Variants in PHTF1 observed in about 807,000 individuals in gnomAD.
PHTF1 encodes the protein putative homeodomain transcription factor 1, also known as protein PHTF1.
In PHTF1, 88 loss-of-function variants were observed where a neutral mutation model predicts 102.4. The observed-to-expected ratio is 0.86, with a 90% CI of 0.72 to 1.03. The LOEUF (loss-of-function observed/expected upper bound fraction) is 1.03, where lower values mean the gene tolerates loss of function less well. Ranked by LOEUF, PHTF1 falls within the 50% of genes least tolerant of loss-of-function variation. PHTF1 has a pLI of 0.00. For synonymous variants in PHTF1, 289 were observed against 305.2 expected, an observed-to-expected ratio of 0.95 and a Z score of 0.55; for missense variants, 814 against 909.5, an observed-to-expected ratio of 0.89 and a Z score of 1.35.
At chr1:113,747,400 T>C (rs765005189) in intron 3 of PHTF1, among the ~76,000 whole-genome samples, 3 of 152,206 alleles carry the variant, frequency 2.0e-5, no homozygotes, top group African/African-American at 7.2e-5. Context: ...GAACACAACA[T>C]ATATCAGTTT....
At chr1:113,754,892 A>T (rs1322140318) in intron 3 of PHTF1, among the ~76,000 whole-genome samples, 1 of 152,062 alleles carries the variant, frequency 6.6e-6, no homozygotes, top group Non-Finnish European at 1.5e-5. Context: ...TTATTCTCCA[A>T]TCATATTGGG....
chr1:113,729,533 T>C (rs899206692), intron 5 of PHTF1, among the ~76,000 whole-genome samples: 1 of 151,904 alleles, frequency 6.6e-6, no homozygotes, highest in African/African-American at 2.4e-5. Context: ...ATACCTACTA[T>C]ATACCCACAA....
intron 5 of PHTF1, among the ~76,000 whole-genome samples, chr1:113,728,671 G>C (rs1351549403): frequency 6.6e-6 from 1 of 152,252 alleles, no homozygotes; most frequent in African/African-American, 2.4e-5. Context: ...CACTTTGAGA[G>C]GCCAAAGTGA....
chr1:113,713,315 C>T lies in PHTF1; in HGVS notation c.747G>A (p.Glu249=), dbSNP rs774450279. 5.0e-6 allele frequency: 8 copies of T among 1,613,762 alleles called. No homozygotes were observed. Among genetic ancestry groups the T allele is most frequent in the Non-Finnish European group, 6.8e-6 (8 of 1,179,866 alleles). The stretch of plus-strand genomic sequence containing the variant: ...TTTCTCCATCTGAAAATTTTGCTTT[C>T]TCTCTTGTTTGCCACATTCTAATCT... ...RPEIRMWQTR[E]KAKFSDGEKC... The change falls in exon 8 of 19, where the codon GAG becomes GAA. Residue 249 remains glutamate (E), a synonymous_variant. Transcript: ENST00000369604.
At chr1:113,712,588 A>G (rs1299613906) in intron 8 of PHTF1, among the ~76,000 whole-genome samples, 1 of 152,252 alleles carries the variant, frequency 6.6e-6, no homozygotes, top group Non-Finnish European at 1.5e-5. Context: ...CTAACCAATA[A>G]GAAAACAGTT....
chr1:113,727,185 A>G (rs1170500015), intron 5 of PHTF1, among the ~76,000 whole-genome samples: 1 of 152,244 alleles, frequency 6.6e-6, no homozygotes, highest in Admixed American at 6.5e-5. Context: ...CTTGTGCTAT[A>G]CAAACTATTC....
intron 7 of PHTF1, chr1:113,713,791 G>C (rs1651542092): frequency 5.1e-6 from 1 of 197,178 alleles, no homozygotes; most frequent in Non-Finnish European, 1.0e-5. Flanking sequence ...AGTAGACTTA[G>C]GTGCACATGA....
At chr1:113,720,181 T>C (rs937725781) in intron 7 of PHTF1, among the ~76,000 whole-genome samples, 3 of 152,194 alleles carry the variant, frequency 2.0e-5, no homozygotes, top group African/African-American at 7.2e-5. Context: ...AAATAGACTT[T>C]AACTATAAAA....
intron 3 of PHTF1, among the ~76,000 whole-genome samples, chr1:113,755,286 G>A (rs545602621): frequency 6.6e-6 from 1 of 151,570 alleles, no homozygotes; most frequent in Non-Finnish European, 1.5e-5. Flanking sequence ...CATTTTTTAA[G>A]ACTTAAGCAT....
intron 7 of PHTF1, chr1:113,714,303 G>A (rs1203747439): frequency 1.3e-5 from 2 of 152,164 alleles, no homozygotes; most frequent in Non-Finnish European, 2.9e-5. Flanking sequence ...CAACCACAGT[G>A]GGGTAGAACA....
intron 11 of PHTF1, 127 bp from the exon 12 acceptor site, chr1:113,706,849 TTC>T (rs1650278965): frequency 1.6e-4 from 79 of 496,840 alleles, no homozygotes; most frequent in East Asian, 1.9e-4. Context: ...CTTTCTTTCT[TTC>T]TTTTTTTTTT....
intron 15 of PHTF1, 90 bp from the exon 16 acceptor site, chr1:113,701,039 C>A: frequency 2.1e-6 from 2 of 955,216 alleles, no homozygotes; most frequent in South Asian, 1.5e-5. Context: ...AGAACATTTC[C>A]AAAAATCCAA....
intron 7 of PHTF1, among the ~76,000 whole-genome samples, chr1:113,720,198 A>G (rs1652693507): frequency 1.3e-5 from 2 of 152,210 alleles, no homozygotes; most frequent in South Asian, 2.1e-4. Context: ...AAAAAGAGTT[A>G]AAGGTCATTA....
intron 16 of PHTF1, chr1:113,700,015 G>T (rs1291393427): frequency 2.0e-6 from 2 of 990,892 alleles, no homozygotes; most frequent in Non-Finnish European, 2.6e-6. Context: ...AAAAATTAAT[G>T]ATGAAGCAAT....
Position 113,759,046 on chromosome 1 carries a change from C to A in PHTF1, c.-54G>T. On this transcript the variant is annotated 5_prime_UTR_variant, in exon 1 of 19. Transcript: ENST00000369604. ...ACCTAGTGCCCGTTGCCCCGCGGGC[C>A]GGCGCCCGGGACCTCCGTCCTCAGT... 1 of 1,012,540 alleles carries A rather than the reference C, an allele frequency of 9.9e-7. No individual in the cohort carries two copies. Among genetic ancestry groups the A allele is most frequent in the South Asian group, 4.4e-5 (1 of 22,558 alleles). The allele number at this position is 1,012,540 out of a possible 1,614,324, so 62.7% of individuals were successfully genotyped here.
At chr1:113,752,911 G>A (rs1658308916) in intron 3 of PHTF1, among the ~76,000 whole-genome samples, 1 of 152,216 alleles carries the variant, frequency 6.6e-6, no homozygotes, top group African/African-American at 2.4e-5. Flanking sequence ...TAACCACTAA[G>A]TGTGAAGTTT....
chr1:113,747,939 TG>T (rs746978068), intron 3 of PHTF1, among the ~76,000 whole-genome samples: 26 of 152,216 alleles, frequency 1.7e-4, no homozygotes, highest in Non-Finnish European at 3.5e-4. Context: ...TGAAATTTCA[TG>T]ATAATGTTTC....
intron 5 of PHTF1, among the ~76,000 whole-genome samples, chr1:113,734,415 A>G (rs1655167468): frequency 6.6e-6 from 1 of 152,246 alleles, no homozygotes; most frequent in African/African-American, 2.4e-5. Context: ...TCAGATAGAA[A>G]TGAGAAATAA....
intron 5 of PHTF1, among the ~76,000 whole-genome samples, chr1:113,731,898 A>AT: frequency 6.7e-6 from 1 of 149,206 alleles, no homozygotes; most frequent in African/African-American, 2.5e-5. Flanking sequence ...CGCCGTCTCA[A>AT]TTTTAAAAAA....
Sources: allele counts gnomAD v4.1 joint callset (sites outside exome capture counted in the v4.1 genomes callset), GRCh38; gene constraint gnomAD v4.1.1; transcripts MANE v1.5; gene names NCBI Gene and HGNC (gene_info 2026-07-23, HGNC 2026-07-21).